Variants in ADARB2 observed in about 807,000 individuals in gnomAD.
ADARB2 encodes the protein adenosine deaminase RNA specific B2 (inactive).
ADARB2 carries 25 observed loss-of-function variants against 62.2 expected under a neutral mutation model. The observed-to-expected ratio is 0.40, with a 90% confidence interval of 0.29 to 0.56. The LOEUF (loss-of-function observed/expected upper bound fraction) is 0.56. Among genes scored for constraint, ADARB2 ranks in the 20% least tolerant of loss-of-function variants. The pLI is 0.43. For synonymous variants in ADARB2, 572 were observed against 500.8 expected, an observed-to-expected ratio of 1.14 and a Z score of -1.90; for missense variants, 1,071 against 1,077.4, an observed-to-expected ratio of 0.99 and a Z score of 0.08.
chr10:1,500,863 C>T (rs900192877), intron 1 of ADARB2, among the ~76,000 whole-genome samples: 1 of 152,126 alleles, frequency 6.6e-6, no homozygotes, highest in Non-Finnish European at 1.5e-5. Flanking sequence ...TCTAGTGCAC[C>T]TTTTAAAATT....
chr10:1,232,516 CTG>C (rs1380621314), intron 6 of ADARB2, among the ~76,000 whole-genome samples: 2 of 127,170 alleles, frequency 1.6e-5, no homozygotes, highest in South Asian at 2.9e-4. Context: ...GTGGTATGTG[CTG>C]TGTGTGATGT....
At chr10:1,368,653 CCTCT>C (rs373797246) in intron 2 of ADARB2, among the ~76,000 whole-genome samples, 1 of 151,958 alleles carries the variant, frequency 6.6e-6, no homozygotes, top group African/African-American at 2.4e-5. Context: ...AACAAAGCCT[CCTCT>C]CTCTCTCTGG....
intron 1 of ADARB2, among the ~76,000 whole-genome samples, chr10:1,717,722 C>T (rs1254413991): frequency 6.6e-6 from 1 of 151,958 alleles, no homozygotes. Context: ...GGACTACAAG[C>T]ACACACCACC....
At chr10:1,641,890 G>C in intron 1 of ADARB2, among the ~76,000 whole-genome samples, 1 of 152,110 alleles carries the variant, frequency 6.6e-6, no homozygotes, top group East Asian at 1.9e-4. Flanking sequence ...GCGGGCGCCT[G>C]TAATCCCAGC....
intron 1 of ADARB2, among the ~76,000 whole-genome samples, chr10:1,446,463 TAAC>T (rs1464111717): frequency 6.6e-6 from 1 of 152,192 alleles, no homozygotes; most frequent in East Asian, 1.9e-4. Flanking sequence ...TTTTCCCACT[TAAC>T]AAATGGGCAA....
Position 1,650,668 on chromosome 10 carries a change from C to T in ADARB2, c.100+86383G>A, listed in dbSNP as rs181894723. On this transcript the variant is annotated intron_variant, in intron 1 of 9. Transcript: ENST00000381312. ...AAATTAAACGGGCACATGACTCCAC[C>T]GACCGTCCACGAGGTCTTTCCTGGA... Among the ~76,000 whole-genome samples, 9 of 152,306 alleles carry T rather than the reference C, an allele frequency of 5.9e-5. No homozygotes were observed. In the East Asian group the frequency reaches 1.5e-3, roughly 26 times the overall value.
chr10:1,558,661 C>CTTGCCTTATTTTTCTTCAG (rs1248187103), intron 1 of ADARB2, among the ~76,000 whole-genome samples: 1 of 128,814 alleles, frequency 7.8e-6, no homozygotes, highest in African/African-American at 2.9e-5. Context: ...GGGTGCTCAG[C>CTTGCCTTATTTTTCTTCAG]ACCCCCATGC....
At chr10:1,624,441 G>A (rs1434785773) in intron 1 of ADARB2, among the ~76,000 whole-genome samples, 3 of 152,120 alleles carry the variant, frequency 2.0e-5, no homozygotes, top group Admixed American at 2.0e-4. Flanking sequence ...ACAGCTGGGA[G>A]CCGAGCACGC....
chr10:1,302,472 G>T (rs1831583692), intron 3 of ADARB2, among the ~76,000 whole-genome samples: 1 of 152,210 alleles, frequency 6.6e-6, no homozygotes, highest in African/African-American at 2.4e-5. Flanking sequence ...CCATTGGCCA[G>T]GCTTGCTTAG....
At chr10:1,447,503 G>T (rs572055065) in intron 1 of ADARB2, among the ~76,000 whole-genome samples, 2 of 152,288 alleles carry the variant, frequency 1.3e-5, no homozygotes, top group East Asian at 3.9e-4. Context: ...CAGAAGTCCA[G>T]CCATACAGCT....
chr10:1,421,062 A>G (rs1832848601), intron 1 of ADARB2, among the ~76,000 whole-genome samples: 2 of 151,868 alleles, frequency 1.3e-5, no homozygotes, highest in South Asian at 4.2e-4. Context: ...GGGAGCTCGA[A>G]GCTCTCCCGC....
intron 3 of ADARB2, among the ~76,000 whole-genome samples, chr10:1,271,417 A>G (rs991195834): frequency 6.6e-6 from 1 of 152,012 alleles, no homozygotes; most frequent in South Asian, 2.1e-4. Flanking sequence ...GGGAATTTTT[A>G]TAGGGATGAT....
At chr10:1,653,112 G>C (rs1051131678) in intron 1 of ADARB2, among the ~76,000 whole-genome samples, 3 of 152,198 alleles carry the variant, frequency 2.0e-5, no homozygotes, top group African/African-American at 7.2e-5. Flanking sequence ...TGAGGCTGTT[G>C]TTGTCTCCAA....
chr10:1,439,641 G>A (rs1830879610), intron 1 of ADARB2, among the ~76,000 whole-genome samples: 1 of 146,176 alleles, frequency 6.8e-6, no homozygotes, highest in Non-Finnish European at 1.5e-5. Context: ...CTCCTCAGCA[G>A]ATGGAGGCAG....
chr10:1,527,528 T>C (rs1832164066), intron 1 of ADARB2, among the ~76,000 whole-genome samples: 1 of 152,248 alleles, frequency 6.6e-6, no homozygotes, highest in African/African-American at 2.4e-5. Context: ...TTAACATGAC[T>C]GGCAAGAAGA....
In ADARB2 at chr10:1,477,433, C is replaced by T. The variant is rs193044787; in HGVS notation, c.101-98273G>A. Among the ~76,000 whole-genome samples the T allele has an allele frequency of 1.7e-4, 26 of 152,276 alleles. 1 individual carries two copies. In the South Asian group the frequency reaches 5.4e-3, roughly 32 times the overall value. ...TGACCCTATACAGCTTCCTTCCAGC[C>T]CTGCTTCTTTGCAGACGGCCCCTTT... On this transcript the variant is annotated intron_variant, in intron 1 of 9. Coordinates refer to ENST00000381312, the MANE Select transcript of ADARB2 (RefSeq NM_018702.4). This position sits in a 1 kb window ranked among gnomAD's most constrained non-coding sequence, Gnocchi z 4.5.
intron 1 of ADARB2, among the ~76,000 whole-genome samples, chr10:1,424,589 T>C (rs1271314399): frequency 6.6e-6 from 1 of 152,092 alleles, no homozygotes; most frequent in African/African-American, 2.4e-5. Flanking sequence ...AAAGTGGTCA[T>C]TTAGTGCCCA....
chr10:1,532,780 T>G (rs1832264595), intron 1 of ADARB2, among the ~76,000 whole-genome samples: 1 of 152,150 alleles, frequency 6.6e-6, no homozygotes, highest in Admixed American at 6.5e-5. Context: ...ACCTTCACTC[T>G]GGGCAGGTGA....
Position 1,277,460 on chromosome 10 carries a change from A to G in ADARB2, c.1078-6391T>C, listed in dbSNP as rs1364697961. ...CCACAGAAATACAAACTACCATTAG[A>G]GAATACTATAAACACCTCTACGCAA... On this transcript the variant is annotated intron_variant, in intron 3 of 9. Transcript: ENST00000381312. Among the ~76,000 whole-genome samples, 6 of 152,254 alleles carry G rather than the reference A, an allele frequency of 3.9e-5. No homozygotes were observed. The East Asian group carries it at 7.7e-4, about 19-fold the overall frequency.
Sources: gnomAD v4.1 joint callset for allele counts (sites outside exome capture counted in the v4.1 genomes callset) on GRCh38, gnomAD v4.1.1 for gene constraint, Gnocchi (gnomAD v3.1) non-coding constraint, MANE v1.5 for transcripts, NCBI Gene and HGNC (gene_info 2026-07-23, HGNC 2026-07-21) for gene names.